The following CNTN4 variants were observed in gnomAD, a reference collection of about 807,000 sequenced individuals.
CNTN4 encodes contactin-4.
Under a neutral mutation model 122.5 loss-of-function variants are expected in CNTN4, and 77 were observed. The observed-to-expected ratio is 0.63, with a 90% CI of 0.52 to 0.76. The LOEUF (loss-of-function observed/expected upper bound fraction) is 0.76, where lower values mean the gene tolerates loss of function less well. Ranked by LOEUF, CNTN4 falls within the 30% of genes least tolerant of loss-of-function variation. CNTN4 has a pLI of 0.00. For synonymous variants in CNTN4, 512 were observed against 447.0 expected, an observed-to-expected ratio of 1.15 and a Z score of -1.83; for missense variants, 1,256 against 1,259.1, an observed-to-expected ratio of 1.00 and a Z score of 0.04.
At chr3:2,657,452 T>C (rs1576362793) in intron 4 of CNTN4, among the ~76,000 whole-genome samples, 1 of 152,178 alleles carries the variant, frequency 6.6e-6, no homozygotes, top group Non-Finnish European at 1.5e-5. Flanking sequence ...AGCAAACTTA[T>C]TTGCTGTCAG....
chr3:2,607,740 C>G (rs1203361527), intron 4 of CNTN4, among the ~76,000 whole-genome samples: 1 of 151,336 alleles, frequency 6.6e-6, no homozygotes, highest in African/African-American at 2.4e-5. Context: ...TGAATCTGCC[C>G]TTTTTAAATG....
At chr3:3,045,688 G>C (rs2125824226) in intron 23 of CNTN4, among the ~76,000 whole-genome samples, 1 of 152,278 alleles carries the variant, frequency 6.6e-6, no homozygotes, top group East Asian at 1.9e-4. Flanking sequence ...AAAAAATAGA[G>C]CAGAAAAACT....
intron 3 of CNTN4, among the ~76,000 whole-genome samples, chr3:2,498,383 G>A (rs1345678675): frequency 6.6e-6 from 1 of 152,142 alleles, no homozygotes; most frequent in African/African-American, 2.4e-5. Context: ...ATTCCTCCTA[G>A]CAATGTATGA....
intron 2 of CNTN4, among the ~76,000 whole-genome samples, chr3:2,275,919 C>CAAAAAAAAAAA (rs767326367): frequency 9.3e-6 from 1 of 107,062 alleles, no homozygotes; most frequent in Non-Finnish European, 1.8e-5. Flanking sequence ...GACTCTGTCT[C>CAAAAAAAAAAA]AAAAAAAAAA....
intron 3 of CNTN4, among the ~76,000 whole-genome samples, chr3:2,417,747 A>G (rs1213945290): frequency 6.6e-6 from 1 of 152,216 alleles, no homozygotes; most frequent in African/African-American, 2.4e-5. Context: ...CCTTCAGTAG[A>G]TGAATGGTTA....
At chr3:2,711,555 A>T (rs538343484) in intron 4 of CNTN4, among the ~76,000 whole-genome samples, 1 of 152,308 alleles carries the variant, frequency 6.6e-6, no homozygotes, top group South Asian at 2.1e-4. Flanking sequence ...ATTGGAGGAC[A>T]TTTAGGATGA....
At chr3:2,287,757 GAAGAAGAAGAAGAAGAAGAA>G (rs2041990971) in intron 2 of CNTN4, among the ~76,000 whole-genome samples, 1 of 146,224 alleles carries the variant, frequency 6.8e-6, no homozygotes, top group Admixed American at 6.8e-5. Flanking sequence ...AGAAGAAGAA[GAAGAAGAAGAAGAAGAAGAA>G]GGAGAAGAAG....
chr3:2,232,646 T>C (rs1417143447), intron 2 of CNTN4, among the ~76,000 whole-genome samples: 2 of 152,196 alleles, frequency 1.3e-5, no homozygotes, highest in Non-Finnish European at 2.9e-5. Flanking sequence ...ATGAAGGCAC[T>C]CACCAAAAAT....
At chr3:2,115,324 C>A (rs573148721) in intron 2 of CNTN4, among the ~76,000 whole-genome samples, 57 of 152,322 alleles carry the variant, frequency 3.7e-4, no homozygotes, top group African/African-American at 1.3e-3. Flanking sequence ...GGTTTTGGAG[C>A]TGCTTTGTCC....
chr3:2,503,784 C>T (rs2076660319), intron 3 of CNTN4, among the ~76,000 whole-genome samples: 1 of 152,048 alleles, frequency 6.6e-6, no homozygotes, highest in South Asian at 2.1e-4. Context: ...ATGGATTTTT[C>T]AAGGCAAACA....
chr3:2,470,576 T>C (rs2075651612), intron 3 of CNTN4, among the ~76,000 whole-genome samples: 1 of 152,196 alleles, frequency 6.6e-6, no homozygotes, highest in South Asian at 2.1e-4. Context: ...GTCTTAATAT[T>C]GTGACCTTTT....
chr3:2,767,613 A>G (rs1019158450), intron 6 of CNTN4, among the ~76,000 whole-genome samples: 1 of 152,184 alleles, frequency 6.6e-6, no homozygotes, highest in Non-Finnish European at 1.5e-5. Flanking sequence ...AGTCCATGGA[A>G]TACCTCATGG....
chr3:2,958,069 G>A (rs344412), intron 13 of CNTN4, among the ~76,000 whole-genome samples: 148,841 of 152,270 alleles, frequency 0.98, 72,766 homozygotes, highest in East Asian at 1. Context: ...ATGGGAGGCT[G>A]TTGCATTTTA....
At chr3:2,235,859 T>C (rs2039662126) in intron 2 of CNTN4, among the ~76,000 whole-genome samples, 1 of 152,144 alleles carries the variant, frequency 6.6e-6, no homozygotes, top group Non-Finnish European at 1.5e-5. Flanking sequence ...AGAGGCATTG[T>C]TCTAAGTGCT....
intron 3 of CNTN4, among the ~76,000 whole-genome samples, chr3:2,548,492 T>G (rs962593343): frequency 6.6e-6 from 1 of 152,090 alleles, no homozygotes; most frequent in Non-Finnish European, 1.5e-5. Context: ...TGTAGATGTG[T>G]GGTATTATTT....
intron 4 of CNTN4, among the ~76,000 whole-genome samples, chr3:2,728,574 G>A (rs975095603): frequency 3.3e-5 from 5 of 152,158 alleles, no homozygotes; most frequent in African/African-American, 7.2e-5. Flanking sequence ...AAAGCAACAC[G>A]TTCCCACTGA....
intron 4 of CNTN4, among the ~76,000 whole-genome samples, chr3:2,575,957 T>C (rs957525582): frequency 1.8e-4 from 28 of 151,454 alleles, no homozygotes; most frequent in African/African-American, 6.8e-4. Flanking sequence ...GAGTAAGTCT[T>C]CCAAGTAGCT....
chr3:2,299,611 A>G (rs186459817), intron 2 of CNTN4, among the ~76,000 whole-genome samples: 81 of 152,200 alleles, frequency 5.3e-4, no homozygotes, highest in African/African-American at 1.9e-3. Flanking sequence ...TTTATTAAGT[A>G]TGTTTATTTT....
At chr3:3,039,211 C>T (rs1317605642) in intron 19 of CNTN4, 1 of 561,282 alleles carries the variant, frequency 1.8e-6, no homozygotes, top group African/African-American at 1.9e-5. Flanking sequence ...TAATTCAATC[C>T]ATCACAGTAA....
Sources: allele counts gnomAD v4.1 joint callset (sites outside exome capture counted in the v4.1 genomes callset), GRCh38; gene constraint gnomAD v4.1.1; transcripts MANE v1.5; gene names NCBI Gene and HGNC (gene_info 2026-07-23, HGNC 2026-07-21).